AP3B1: variants seen among roughly 807,000 people sequenced by gnomAD.
AP3B1 encodes the protein AP-3 complex subunit beta-1.
AP3B1 carries 61 observed loss-of-function variants against 132.5 expected under a neutral mutation model. That is an observed-to-expected ratio of 0.46 (90% CI 0.37 to 0.57). The LOEUF (loss-of-function observed/expected upper bound fraction) is 0.57. AP3B1 is among the 20% of genes least tolerant of loss of function. The pLI is 0.00. For synonymous variants in AP3B1, 388 were observed against 438.3 expected, an observed-to-expected ratio of 0.89 and a Z score of 1.43; for missense variants, 1,120 against 1,289.4, an observed-to-expected ratio of 0.87 and a Z score of 2.01.
At chr5:78,225,267 T>C (rs1746356813) in intron 6 of AP3B1, among the ~76,000 whole-genome samples, 1 of 152,120 alleles carries the variant, frequency 6.6e-6, no homozygotes, top group Non-Finnish European at 1.5e-5. Flanking sequence ...TTCCTTGATC[T>C]TACCATGTTA....
intron 12 of AP3B1, among the ~76,000 whole-genome samples, chr5:78,164,017 A>G (rs1743507615): frequency 6.6e-6 from 1 of 152,096 alleles, no homozygotes; most frequent in African/African-American, 2.4e-5. Flanking sequence ...AAAAAAATAC[A>G]AATTTGCTAA....
chr5:78,165,332 A>T (rs1410174122), intron 12 of AP3B1, among the ~76,000 whole-genome samples: 2 of 152,206 alleles, frequency 1.3e-5, no homozygotes, highest in African/African-American at 4.8e-5. Context: ...CAGCACAAAA[A>T]GATGAAATTC....
chr5:78,288,492 A>G (rs1369584049), intron 1 of AP3B1, among the ~76,000 whole-genome samples: 1 of 152,204 alleles, frequency 6.6e-6, no homozygotes, highest in Non-Finnish European at 1.5e-5. Flanking sequence ...CGAGTCAGTT[A>G]ATCCTAACCA....
chr5:78,147,063 A>G (rs992394061), intron 14 of AP3B1, among the ~76,000 whole-genome samples: 2 of 151,988 alleles, frequency 1.3e-5, no homozygotes, highest in African/African-American at 4.8e-5. Flanking sequence ...TCTTACTTAT[A>G]TCTGTCTACT....
chr5:78,203,263 G>T (rs112653111), intron 7 of AP3B1, among the ~76,000 whole-genome samples: 2,162 of 152,250 alleles, frequency 0.014, 27 homozygotes, highest in Non-Finnish European at 0.02. Flanking sequence ...AAAGAAAAGA[G>T]GTTTAATTGA....
intron 7 of AP3B1, among the ~76,000 whole-genome samples, chr5:78,186,436 A>C (rs915803892): frequency 3.9e-5 from 6 of 152,326 alleles, no homozygotes; most frequent in Admixed American, 3.9e-4. Context: ...GTTGGGAGTA[A>C]GGTTAAACAT....
intron 22 of AP3B1, among the ~76,000 whole-genome samples, chr5:78,066,849 C>G (rs1479556396): frequency 6.6e-6 from 1 of 152,010 alleles, no homozygotes; most frequent in African/African-American, 2.4e-5. Context: ...AAGATCGACC[C>G]CAAGACACTA....
At chr5:78,122,546 C>T (rs1461767293) in intron 17 of AP3B1, among the ~76,000 whole-genome samples, 7 of 152,152 alleles carry the variant, frequency 4.6e-5, no homozygotes, top group Admixed American at 2.0e-4. Context: ...TTCTTATACA[C>T]CAATAACGGA....
intron 7 of AP3B1, among the ~76,000 whole-genome samples, chr5:78,203,771 G>A (rs777325636): frequency 5.3e-5 from 8 of 151,990 alleles, no homozygotes; most frequent in Admixed American, 1.3e-4. Context: ...CTTGAGCTCT[G>A]TTCATCTTCA....
At chr5:78,051,589 T>A (rs1748586837) in intron 22 of AP3B1, among the ~76,000 whole-genome samples, 1 of 152,168 alleles carries the variant, frequency 6.6e-6, no homozygotes, top group Admixed American at 6.5e-5. Context: ...TATTCAAAGA[T>A]GACATTTCCA....
At chr5:78,122,798 T>C (rs1335045798) in intron 17 of AP3B1, among the ~76,000 whole-genome samples, 1 of 152,108 alleles carries the variant, frequency 6.6e-6, no homozygotes, top group African/African-American at 2.4e-5. Context: ...TTCAATGCCA[T>C]CCCCATCAAG....
At chr5:78,092,053 T>C (rs1750539097) in intron 21 of AP3B1, among the ~76,000 whole-genome samples, 1 of 152,240 alleles carries the variant, frequency 6.6e-6, no homozygotes, top group Non-Finnish European at 1.5e-5. Context: ...TCATAATATG[T>C]TGCCTTCCCA....
At chr5:78,025,378 G>A (rs1747298473) in intron 24 of AP3B1, among the ~76,000 whole-genome samples, 2 of 151,836 alleles carry the variant, frequency 1.3e-5, no homozygotes, top group South Asian at 4.1e-4. Context: ...GCTGCTTGCA[G>A]GGGGTAGGGA....
intron 14 of AP3B1, among the ~76,000 whole-genome samples, chr5:78,146,171 C>T (rs904604793): frequency 6.6e-6 from 1 of 152,184 alleles, no homozygotes; most frequent in Non-Finnish European, 1.5e-5. Context: ...TTTATTTCCA[C>T]ATGGCCATTG....
intron 25 of AP3B1, among the ~76,000 whole-genome samples, chr5:78,017,277 T>A (rs907605106): frequency 3.3e-5 from 5 of 152,118 alleles, no homozygotes; most frequent in African/African-American, 1.2e-4. Context: ...TAACATCCTA[T>A]CAAGGCACAC....
chr5:78,145,480 A>C (rs1021615759), intron 14 of AP3B1, among the ~76,000 whole-genome samples: 3 of 152,208 alleles, frequency 2.0e-5, no homozygotes, highest in African/African-American at 7.2e-5. Context: ...TGAATCCAAA[A>C]TTCATACTGG....
At chr5:78,093,389 G>A (rs252751) in intron 21 of AP3B1, among the ~76,000 whole-genome samples, 10,947 of 152,226 alleles carry the variant, frequency 0.072, 608 homozygotes, top group Admixed American at 0.18. Flanking sequence ...GAGAAAGCAA[G>A]TGATAAAACA....
chr5:78,008,256 C>A (rs565843669), intron 26 of AP3B1, among the ~76,000 whole-genome samples: 1 of 152,234 alleles, frequency 6.6e-6, no homozygotes, highest in Admixed American at 6.5e-5. Flanking sequence ...TGATTCCTTA[C>A]AAAATTGTCA....
intron 2 of AP3B1, among the ~76,000 whole-genome samples, chr5:78,258,369 G>A (rs960508883): frequency 2.0e-5 from 3 of 152,096 alleles, no homozygotes; most frequent in African/African-American, 7.2e-5. Context: ...TAAAAAGGGG[G>A]CAAAAGATTT....
Sources: gnomAD v4.1 joint callset for allele counts (sites outside exome capture counted in the v4.1 genomes callset) on GRCh38, gnomAD v4.1.1 for gene constraint, MANE v1.5 for transcripts, NCBI Gene and HGNC (gene_info 2026-07-23, HGNC 2026-07-21) for gene names.